ST3GAL2: variants seen among roughly 807,000 people sequenced by gnomAD.
ST3GAL2 encodes the protein CMP-N-acetylneuraminate-beta-galactosamide-alpha-2,3-sialyltransferase 2.
A neutral mutation model predicts 37.5 loss-of-function variants in ST3GAL2; 16 were observed. The ratio of observed to expected loss-of-function variants is 0.43; its 90% CI spans 0.29 to 0.65. The LOEUF is 0.65. Among genes scored for constraint, ST3GAL2 ranks in the 30% least tolerant of loss-of-function variants. The probability of loss-of-function intolerance (pLI) is 0.17; values close to 1 mark genes in which losing one functional copy is unlikely to be tolerated. For synonymous variants in ST3GAL2, 238 were observed against 202.9 expected (o/e 1.17, Z -1.47); for missense variants, 383 against 487.8 (o/e 0.79, Z 2.02).
intron 1 of ST3GAL2, among the ~76,000 whole-genome samples, chr16:70,437,586 C>T (rs1022621159): frequency 6.6e-6 from 1 of 151,750 alleles, no homozygotes; most frequent in Non-Finnish European, 1.5e-5. Context: ...TCTGAGCCCT[C>T]GTTCCCTCTA....
At chr16:70,384,995 C>A (rs2047432404) in intron 4 of ST3GAL2, among the ~76,000 whole-genome samples, 1 of 144,928 alleles carries the variant, frequency 6.9e-6, no homozygotes, top group African/African-American at 2.6e-5. Flanking sequence ...GGCAACAGAG[C>A]AAGACTCAGG....
intron 1 of ST3GAL2, among the ~76,000 whole-genome samples, chr16:70,402,999 T>C (rs979850660): frequency 3.3e-5 from 5 of 152,250 alleles, no homozygotes; most frequent in Non-Finnish European, 7.3e-5. Context: ...ATACGATATA[T>C]ACTACTTTGA....
intron 2 of ST3GAL2, among the ~76,000 whole-genome samples, chr16:70,397,239 C>T (rs2047523344): frequency 6.7e-6 from 1 of 148,536 alleles, no homozygotes. Context: ...GACGGGGTTT[C>T]ACCACGTTGG....
chr16:70,410,569 T>A (rs1005881742), intron 1 of ST3GAL2, among the ~76,000 whole-genome samples: 4 of 151,920 alleles, frequency 2.6e-5, no homozygotes, highest in Non-Finnish European at 5.9e-5. Context: ...CACCACTTTT[T>A]TTCCCCCTCC....
intron 1 of ST3GAL2, among the ~76,000 whole-genome samples, chr16:70,404,869 T>C (rs1383966719): frequency 6.6e-6 from 1 of 151,828 alleles, no homozygotes; most frequent in East Asian, 1.9e-4. Context: ...CCATCTCTGT[T>C]AAAAATACAA....
At chr16:70,407,152 T>C (rs2047598145) in intron 1 of ST3GAL2, among the ~76,000 whole-genome samples, 1 of 151,792 alleles carries the variant, frequency 6.6e-6, no homozygotes, top group Non-Finnish European at 1.5e-5. Flanking sequence ...TGGCCTTTTT[T>C]TTTTTTTTTA....
chr16:70,399,118 G>C lies in ST3GAL2; in HGVS notation c.-588C>G, dbSNP rs2047537925. 5.0e-6 allele frequency: 2 copies of C among 400,060 alleles called. No individual in the cohort carries two copies. Among genetic ancestry groups the C allele is most frequent in the South Asian group, 1.3e-4 (1 of 7,926 alleles). 24.8% of individuals were successfully genotyped at this position (400,060 alleles called of 1,614,324 possible). On this transcript the variant is annotated 5_prime_UTR_variant, in exon 2 of 7. Coordinates refer to ENST00000342907, the MANE Select transcript of ST3GAL2 (RefSeq NM_006927.4). ...AGGAGGGGAGCCAGACCCCAACCCT[G>C]AGAGGACAAAAACAGGAAGCTCTGT...
At chr16:70,384,787 G>C (rs2047430869) in intron 4 of ST3GAL2, among the ~76,000 whole-genome samples, 1 of 151,708 alleles carries the variant, frequency 6.6e-6, no homozygotes, top group African/African-American at 2.4e-5. Context: ...CACTTTGAGA[G>C]GCCAAGTTGG....
chr16:70,425,355 A>G (rs2047742590), intron 1 of ST3GAL2, among the ~76,000 whole-genome samples: 1 of 152,134 alleles, frequency 6.6e-6, no homozygotes, highest in Admixed American at 6.5e-5. Context: ...CCAGCTACTC[A>G]GGAGGCTGAG....
chr16:70,434,537 C>A (rs1244954363), intron 1 of ST3GAL2, among the ~76,000 whole-genome samples: 5 of 152,192 alleles, frequency 3.3e-5, no homozygotes, highest in African/African-American at 1.2e-4. Context: ...AGAGCAGGGG[C>A]TGTGCATCAG....
At chr16:70,413,560 C>CAAAAAA (rs978301918) in intron 1 of ST3GAL2, among the ~76,000 whole-genome samples, 1 of 32,082 alleles carries the variant, frequency 3.1e-5, no homozygotes, top group Non-Finnish European at 1.2e-4. Flanking sequence ...ATCAAAAATA[C>CAAAAAA]AAAAAAAAAA....
At chr16:70,417,539 A>T (rs1597571945) in intron 1 of ST3GAL2, among the ~76,000 whole-genome samples, 1 of 152,250 alleles carries the variant, frequency 6.6e-6, no homozygotes, top group African/African-American at 2.4e-5. Flanking sequence ...GCTGGCTCTA[A>T]ACAGCTCCCT....
chr16:70,417,246 G>A (rs938940481), intron 1 of ST3GAL2, among the ~76,000 whole-genome samples: 1 of 149,970 alleles, frequency 6.7e-6, no homozygotes, highest in African/African-American at 2.5e-5. Context: ...CACAAGGAAG[G>A]CACAAACCCC....
Position 70,395,130 on chromosome 16 carries a change from C to G in ST3GAL2, c.385G>C (p.Glu129Gln). 1 of 1,612,798 alleles carries G rather than the reference C, an allele frequency of 6.2e-7. No homozygotes were observed. Among genetic ancestry groups the G allele is most frequent in the Non-Finnish European group, 8.5e-7 (1 of 1,179,430 alleles). ...CCAGGCACTATCTGGAACAGCTTCT[C>G]CAGCACCTCATTGGTGTTGTGTGAC... is the stretch of plus-strand genomic sequence containing the variant. ...FKSHNTNEVLEKLFQIVPGEN... is the reference protein window; with the variant it reads ...FKSHNTNEVLQKLFQIVPGEN... Residue 129 changes from glutamate (E) to glutamine (Q), a missense_variant, in exon 3 of 7, where the codon GAG becomes CAG. Physicochemically the swap from Glu to Gln is conservative, Grantham distance 29 (BLOSUM62 2). Coordinates refer to ENST00000342907, the MANE Select transcript of ST3GAL2 (RefSeq NM_006927.4).
intron 1 of ST3GAL2, among the ~76,000 whole-genome samples, chr16:70,435,699 C>T (rs923444286): frequency 6.6e-6 from 1 of 151,486 alleles, no homozygotes; most frequent in Non-Finnish European, 1.5e-5. Context: ...GAGGCTGAGA[C>T]AGGAGAATCG....
At chr16:70,405,570 A>G (rs1214252406) in intron 1 of ST3GAL2, among the ~76,000 whole-genome samples, 15 of 151,300 alleles carry the variant, frequency 9.9e-5, no homozygotes, top group Admixed American at 8.6e-4. Flanking sequence ...AAAAAAAGGA[A>G]AAAAAGGAAT....
intron 1 of ST3GAL2, among the ~76,000 whole-genome samples, chr16:70,411,107 G>A (rs974738382): frequency 2.0e-5 from 3 of 152,202 alleles, no homozygotes; most frequent in Non-Finnish European, 4.4e-5. Flanking sequence ...ATAAGCAGCC[G>A]GGCGCAGTGG....
At chr16:70,438,875 C>G (rs1414770914) in intron 1 of ST3GAL2, 74 bp downstream of exon 1, 1 of 152,218 alleles carries the variant, frequency 6.6e-6, no homozygotes, top group Non-Finnish European at 1.5e-5. Context: ...GCCAGCTGCC[C>G]GCGCAGGGGA....
At chr16:70,405,535 C>A (rs1242700807) in intron 1 of ST3GAL2, among the ~76,000 whole-genome samples, 9 of 109,104 alleles carry the variant, frequency 8.2e-5, no homozygotes, top group Non-Finnish European at 1.6e-4. Context: ...AGTGAGACTC[C>A]GTCTTAAAAA....
Sources: allele counts gnomAD v4.1 joint callset (sites outside exome capture counted in the v4.1 genomes callset), GRCh38; gene constraint gnomAD v4.1.1; transcripts MANE v1.5; gene names NCBI Gene and HGNC (gene_info 2026-07-23, HGNC 2026-07-21).